MTA3: variants seen among roughly 807,000 people sequenced by gnomAD.
The protein encoded by MTA3 is metastasis-associated protein MTA3.
Under a neutral mutation model 83.5 loss-of-function variants are expected in MTA3, and 34 were observed. That is an observed-to-expected ratio of 0.41 (90% confidence interval 0.31 to 0.54). MTA3 has a LOEUF of 0.54. Ranked by LOEUF, MTA3 falls within the 20% of genes least tolerant of loss-of-function variation. MTA3 has a pLI of 0.33. For missense variants in MTA3, 761 were observed against 726.4 expected (o/e 1.05, Z -0.55); for synonymous variants, 303 against 252.7 (o/e 1.20, Z -1.89).
At chr2:42,508,725 A>G (rs1025306520) in intron 2 of MTA3, among the ~76,000 whole-genome samples, 3 of 148,434 alleles carry the variant, frequency 2.0e-5, no homozygotes, top group Admixed American at 6.8e-5. Context: ...TAAGGGGGGA[A>G]TATGTTGTAT....
At position 42,644,247 on chromosome 2, in the gene MTA3, A is replaced by G. The variant is rs773050795; in HGVS notation, c.499+3A>G. The G allele has an allele frequency of 6.3e-7, 1 of 1,592,106 alleles. No homozygotes were observed. Among genetic ancestry groups the G allele is most frequent in the South Asian group, 1.1e-5 (1 of 88,888 alleles). On this transcript the variant is annotated splice_donor_region_variant and intron_variant, in intron 6 of 16. Coordinates refer to ENST00000405094, the MANE Select transcript of MTA3 (RefSeq NM_001330442.2). ...CATTCCAGAAATGCTGTTAGAAGGT[A>G]CGTTTTTCTGCGTGTTTGCAGTTTT...
chr2:42,670,254 C>T (rs1039426834), intron 8 of MTA3, among the ~76,000 whole-genome samples: 8 of 148,246 alleles, frequency 5.4e-5, no homozygotes, highest in Admixed American at 3.3e-4. Context: ...AGCTTAACTC[C>T]GTGTCAAAAA....
intron 2 of MTA3, among the ~76,000 whole-genome samples, chr2:42,507,286 C>T (rs1053551692): frequency 2.6e-5 from 4 of 151,990 alleles, no homozygotes; most frequent in African/African-American, 9.7e-5. Flanking sequence ...ATCCTCCCTC[C>T]TCAGGCTCCT....
intron 11 of MTA3, among the ~76,000 whole-genome samples, chr2:42,701,291 C>A (rs1255843134): frequency 5.0e-3 from 348 of 69,572 alleles, no homozygotes; most frequent in Admixed American, 7.0e-3. Context: ...GACCCTGCCT[C>A]AAAAAAAAAA....
intron 8 of MTA3, among the ~76,000 whole-genome samples, chr2:42,673,749 T>A (rs1331614414): frequency 6.6e-6 from 1 of 152,166 alleles, no homozygotes; most frequent in African/African-American, 2.4e-5. Flanking sequence ...CAAATCAGGG[T>A]GAAAAGCTGG....
intron 2 of MTA3, among the ~76,000 whole-genome samples, chr2:42,510,113 G>T (rs1037462445): frequency 6.6e-6 from 1 of 151,970 alleles, no homozygotes; most frequent in Admixed American, 6.6e-5. Context: ...ATCACTTGAG[G>T]TCAGGAGTTC....
Position 42,719,081 on chromosome 2 carries a change from A to G in MTA3, c.1612+7A>G. 1 of 1,541,800 alleles carries G rather than the reference A, an allele frequency of 6.5e-7. No individual in the cohort carries two copies. The highest frequency in any genetic ancestry group is 8.8e-7 in the Non-Finnish European group (1 of 1,139,128). ...TGTATCATTGGGTATTTAGGTGGGT[A>G]TTTTCTAATAGAGGAAAAACTCAAA... On this transcript the variant is annotated splice_region_variant and intron_variant, in intron 15 of 16. Coordinates refer to ENST00000405094, the MANE Select transcript of MTA3 (RefSeq NM_001330442.2).
intron 8 of MTA3, among the ~76,000 whole-genome samples, chr2:42,663,654 A>G (rs185371859): frequency 1.3e-5 from 2 of 152,222 alleles, no homozygotes; most frequent in Admixed American, 1.3e-4. Context: ...AGTTCCAACT[A>G]TTCGTGAGGC....
chr2:42,549,444 CAT>C (rs1480133045), intron 2 of MTA3, among the ~76,000 whole-genome samples: 10 of 41,720 alleles, frequency 2.4e-4, no homozygotes, highest in African/African-American at 1.2e-3. Flanking sequence ...TATACGTATA[CAT>C]ATAATATATT....
At chr2:42,736,998 G>A (rs965230914) in intron 16 of MTA3, among the ~76,000 whole-genome samples, 1 of 152,202 alleles carries the variant, frequency 6.6e-6, no homozygotes, top group African/African-American at 2.4e-5. Context: ...CAGTATCAAA[G>A]TTGCAAGAGA....
At chr2:42,735,980 T>C (rs1029183993) in intron 16 of MTA3, among the ~76,000 whole-genome samples, 13 of 152,186 alleles carry the variant, frequency 8.5e-5, no homozygotes, top group Admixed American at 7.9e-4. Flanking sequence ...TTTTCATGGA[T>C]GGTCTTGAAG....
At chr2:42,639,498 A>C (rs1273990208) in intron 4 of MTA3, among the ~76,000 whole-genome samples, 1 of 152,120 alleles carries the variant, frequency 6.6e-6, no homozygotes, top group Non-Finnish European at 1.5e-5. Context: ...AGTTTTTCTC[A>C]GAGTCTAGAC....
intron 4 of MTA3, among the ~76,000 whole-genome samples, chr2:42,618,759 C>G (rs148210769): frequency 3.2e-4 from 49 of 152,176 alleles, no homozygotes; most frequent in African/African-American, 1.1e-3. Context: ...AGGCATGTAC[C>G]ACTATGCCTG....
At chr2:42,672,645 C>CAAAAAAAAAAAA (rs5830734) in intron 8 of MTA3, among the ~76,000 whole-genome samples, 1 of 51,548 alleles carries the variant, frequency 1.9e-5, no homozygotes, top group Non-Finnish European at 3.1e-5. Context: ...ATTCCATCTC[C>CAAAAAAAAAAAA]AAAAAAAAAA....
At chr2:42,658,894 G>A (rs1477664235) in intron 7 of MTA3, among the ~76,000 whole-genome samples, 2 of 151,002 alleles carry the variant, frequency 1.3e-5, no homozygotes, top group Admixed American at 1.3e-4. Context: ...GGGCAACATA[G>A]GGAGGCCTTG....
intron 2 of MTA3, among the ~76,000 whole-genome samples, chr2:42,541,113 C>A (rs375342741): frequency 1.4e-4 from 21 of 151,420 alleles, no homozygotes; most frequent in African/African-American, 4.6e-4. Flanking sequence ...CTCACCGCAA[C>A]CTCCGCCTCC....
intron 2 of MTA3, among the ~76,000 whole-genome samples, chr2:42,572,236 G>A (rs913555584): frequency 3.3e-5 from 5 of 151,974 alleles, no homozygotes; most frequent in East Asian, 3.9e-4. Context: ...CCGAGATCGC[G>A]CCACTGCCCT....
chr2:42,688,280 C>T (rs1692566825), intron 9 of MTA3, among the ~76,000 whole-genome samples: 2 of 152,202 alleles, frequency 1.3e-5, no homozygotes, highest in South Asian at 2.1e-4. Flanking sequence ...GATGCAGTCT[C>T]ACCATGCTAC....
chr2:42,729,926 T>C (rs1668130097), intron 16 of MTA3, among the ~76,000 whole-genome samples: 1 of 152,214 alleles, frequency 6.6e-6, no homozygotes, highest in African/African-American at 2.4e-5. Context: ...AATCCATGAA[T>C]ATGGGATATC....
Sources: allele counts gnomAD v4.1 joint callset (sites outside exome capture counted in the v4.1 genomes callset), GRCh38; gene constraint gnomAD v4.1.1; transcripts MANE v1.5; gene names NCBI Gene and HGNC (gene_info 2026-07-23, HGNC 2026-07-21).